NRXN1: variants seen among roughly 807,000 people sequenced by gnomAD.
NRXN1 encodes the protein neurexin-1.
A neutral mutation model predicts 150.9 loss-of-function variants in NRXN1; 39 were observed. The observed-to-expected ratio is 0.26, with a 90% CI of 0.20 to 0.34. The LOEUF (loss-of-function observed/expected upper bound fraction) is 0.34, where lower values mean the gene tolerates loss of function less well. Among genes scored for constraint, NRXN1 ranks in the 10% least tolerant of loss-of-function variants. NRXN1 has a pLI of 1.00. For missense variants in NRXN1, 1,815 were observed against 1,949.9 expected, an observed-to-expected ratio of 0.93 and a Z score of 1.30; for synonymous variants, 924 against 757.0, an observed-to-expected ratio of 1.22 and a Z score of -3.62.
chr2:50,601,476 G>T (rs1013678230), intron 8 of NRXN1, among the ~76,000 whole-genome samples: 13 of 152,154 alleles, frequency 8.5e-5, no homozygotes, highest in Non-Finnish European at 1.8e-4. Flanking sequence ...TATCACAATT[G>T]ATTATTCAAA....
At chr2:50,275,373 A>T (rs535791559) in intron 17 of NRXN1, among the ~76,000 whole-genome samples, 1 of 152,338 alleles carries the variant, frequency 6.6e-6, no homozygotes, top group Non-Finnish European at 1.5e-5. Context: ...TGATTTGTCA[A>T]ATATTAGTCT....
chr2:50,883,195 TGA>T (rs1490101824), intron 5 of NRXN1, among the ~76,000 whole-genome samples: 1 of 151,864 alleles, frequency 6.6e-6, no homozygotes, highest in Non-Finnish European at 1.5e-5. Context: ...ATTTTTGCAT[TGA>T]CATTAGTTGA....
chr2:50,117,138 A>G (rs997981960), intron 18 of NRXN1, among the ~76,000 whole-genome samples: 10 of 152,194 alleles, frequency 6.6e-5, no homozygotes, highest in Admixed American at 2.6e-4. Context: ...GAATCTGTTT[A>G]GACAAGAAAA....
At chr2:50,176,005 C>T (rs1416889763) in intron 18 of NRXN1, among the ~76,000 whole-genome samples, 7 of 152,050 alleles carry the variant, frequency 4.6e-5, no homozygotes, top group Non-Finnish European at 8.8e-5. Flanking sequence ...TTACTGAATC[C>T]CTAGCCCCCT....
At chr2:50,360,711 G>T (rs2079129146) in intron 17 of NRXN1, among the ~76,000 whole-genome samples, 1 of 152,126 alleles carries the variant, frequency 6.6e-6, no homozygotes, top group Non-Finnish European at 1.5e-5. Context: ...CAATGAGACA[G>T]AAAATTAACA....
At chr2:50,935,487 C>G (rs1352524407) in intron 2 of NRXN1, among the ~76,000 whole-genome samples, 3 of 152,138 alleles carry the variant, frequency 2.0e-5, no homozygotes, top group Admixed American at 1.3e-4. Context: ...ATAATCTCAG[C>G]ACTTCGGGAG....
chr2:50,228,420 A>T (rs1030462244), intron 18 of NRXN1, among the ~76,000 whole-genome samples: 1 of 151,994 alleles, frequency 6.6e-6, no homozygotes, highest in Non-Finnish European at 1.5e-5. Context: ...AAGATGTCAA[A>T]GATGTAGCCT....
chr2:50,611,645 G>A (rs1185534668), intron 8 of NRXN1, among the ~76,000 whole-genome samples: 1 of 152,174 alleles, frequency 6.6e-6, no homozygotes. Flanking sequence ...CAATACTTTA[G>A]AAAATCTAAA....
chr2:50,375,886 C>A (rs1020669807), intron 17 of NRXN1, among the ~76,000 whole-genome samples: 5 of 151,520 alleles, frequency 3.3e-5, no homozygotes, highest in African/African-American at 1.2e-4. Flanking sequence ...TTTTAGGCTC[C>A]GAAATAAGAA....
At chr2:50,296,694 C>T (rs1033928038) in intron 17 of NRXN1, among the ~76,000 whole-genome samples, 1 of 151,918 alleles carries the variant, frequency 6.6e-6, no homozygotes, top group Admixed American at 6.6e-5. Context: ...TCTTGAACTC[C>T]TGGCTTCAAA....
chr2:50,297,963 G>A (rs2073779927), intron 17 of NRXN1, among the ~76,000 whole-genome samples: 1 of 152,158 alleles, frequency 6.6e-6, no homozygotes, highest in South Asian at 2.1e-4. Context: ...ATAGTCCAAT[G>A]TGGCTCAGGG....
intron 17 of NRXN1, among the ~76,000 whole-genome samples, chr2:50,382,372 TTA>T (rs1469278849): frequency 6.6e-6 from 1 of 152,170 alleles, no homozygotes; most frequent in Non-Finnish European, 1.5e-5. Flanking sequence ...CAAATTGTGG[TTA>T]GACATTGACA....
chr2:49,974,189 A>G, intron 21 of NRXN1: 1 of 707,050 alleles, frequency 1.4e-6, no homozygotes, highest in Non-Finnish European at 2.6e-6. Flanking sequence ...GATGGGCGAG[A>G]AAAGACACAG....
At chr2:50,616,815 T>C (rs1285137014) in intron 8 of NRXN1, among the ~76,000 whole-genome samples, 1 of 152,146 alleles carries the variant, frequency 6.6e-6, no homozygotes, top group East Asian at 1.9e-4. Context: ...AGGCACTACA[T>C]ACTAGACTGA....
At chr2:50,428,407 CCT>C (rs2104341932) in intron 17 of NRXN1, among the ~76,000 whole-genome samples, 1 of 152,184 alleles carries the variant, frequency 6.6e-6, no homozygotes, top group Admixed American at 6.5e-5. Context: ...AGAGCGAAAC[CCT>C]GTCTCACACA....
intron 5 of NRXN1, among the ~76,000 whole-genome samples, chr2:50,729,291 C>T (rs1394415867): frequency 6.6e-6 from 1 of 152,100 alleles, no homozygotes; most frequent in Non-Finnish European, 1.5e-5. Flanking sequence ...TTCTGTGTCC[C>T]TCAATAAGGT....
chr2:50,229,680 A>G (rs2064755568), intron 18 of NRXN1, among the ~76,000 whole-genome samples: 1 of 152,098 alleles, frequency 6.6e-6, no homozygotes, highest in Non-Finnish European at 1.5e-5. Flanking sequence ...GTAAGATTAT[A>G]AATGTTTGCT....
chr2:51,026,079 A>C (rs1670406546), intron 2 of NRXN1, among the ~76,000 whole-genome samples: 2 of 152,286 alleles, frequency 1.3e-5, no homozygotes, highest in East Asian at 1.9e-4. Context: ...CATTTCTCTT[A>C]AAGTCAAGTG....
At chr2:50,997,478 C>T (rs1699479637) in intron 2 of NRXN1, among the ~76,000 whole-genome samples, 1 of 106,590 alleles carries the variant, frequency 9.4e-6, no homozygotes, top group Non-Finnish European at 1.8e-5. Flanking sequence ...GAAATAGCTC[C>T]AACTTTTAAA....
Sources: gnomAD v4.1 joint callset for allele counts (sites outside exome capture counted in the v4.1 genomes callset) on GRCh38, gnomAD v4.1.1 for gene constraint, MANE v1.5 for transcripts, NCBI Gene and HGNC (gene_info 2026-07-23, HGNC 2026-07-21) for gene names.